The following DNAJC27 variants were observed in gnomAD, a reference collection of about 807,000 sequenced individuals.
DNAJC27 encodes DnaJ heat shock protein family (Hsp40) member C27.
DNAJC27 carries 25 observed loss-of-function variants against 31.4 expected under a neutral mutation model. The observed-to-expected ratio is 0.80, with a 90% CI of 0.58 to 1.11. The LOEUF (loss-of-function observed/expected upper bound fraction) is 1.11. Among genes scored for constraint, DNAJC27 ranks in the 50% most tolerant of loss-of-function variants. The probability of loss-of-function intolerance (pLI) is 0.00; values close to 1 mark genes in which losing one functional copy is unlikely to be tolerated. For synonymous variants in DNAJC27, 106 were observed against 112.7 expected, an observed-to-expected ratio of 0.94 and a Z score of 0.37; for missense variants, 356 against 347.3, an observed-to-expected ratio of 1.02 and a Z score of -0.20.
At chr2:24,948,463 G>A (rs909544530) in intron 6 of DNAJC27, among the ~76,000 whole-genome samples, 4 of 152,168 alleles carry the variant, frequency 2.6e-5, no homozygotes, top group Admixed American at 6.5e-5. Context: ...TCAAGGTCAC[G>A]AGGAATCTGA....
At chr2:24,964,573 G>A (rs190491760) in intron 2 of DNAJC27, among the ~76,000 whole-genome samples, 1 of 152,286 alleles carries the variant, frequency 6.6e-6, no homozygotes, top group East Asian at 1.9e-4. Context: ...AGCCATCTCT[G>A]AGGCCCAGCT....
intron 1 of DNAJC27, among the ~76,000 whole-genome samples, chr2:24,970,651 A>T (rs1427298327): frequency 6.6e-6 from 1 of 151,194 alleles, no homozygotes; most frequent in Non-Finnish European, 1.5e-5. Flanking sequence ...TTTAGTAGAG[A>T]CAGGATTTCA....
chr2:24,958,961 T>C, intron 3 of DNAJC27, among the ~76,000 whole-genome samples: 1 of 152,204 alleles, frequency 6.6e-6, no homozygotes, highest in East Asian at 1.9e-4. Context: ...TGAAAACATG[T>C]TATACACATC....
rs1342994081 is a variant in DNAJC27 at position 24,944,966 on chromosome 2, C to T, written c.*2650G>A. ...TGAAAAACAAGATTCTCTATAAAAA[C>T]GTTTTAGCCATTGTAATTATTCTGC... On this transcript the variant is annotated 3_prime_UTR_variant, in exon 7 of 7. Transcript: ENST00000264711. The T allele has an allele frequency of 6.6e-6, 1 of 152,422 alleles. No homozygotes were observed. Among genetic ancestry groups the T allele is most frequent in the Non-Finnish European group, 1.5e-5 (1 of 68,002 alleles). The allele number at this position is 152,422 out of a possible 1,614,324, so 9.4% of individuals were successfully genotyped here.
rs114771935 is a variant in DNAJC27 at position 24,951,047 on chromosome 2, C to T, written c.689+347G>A. Among the ~76,000 whole-genome samples, 1,340 of 152,246 alleles carry T rather than the reference C, an allele frequency of 8.8e-3. 22 individuals are homozygous for T. Among genetic ancestry groups the T allele is most frequent in the African/African-American group, 0.031 (1,271 of 41,534 alleles). On this transcript the variant is annotated intron_variant, in intron 6 of 6. Transcript: ENST00000264711. ...CCCACCTATAAAATGAAATGTTTGA[C>T]AAGTTGATTGCCAACGTGCTTTCCT... is the stretch of plus-strand genomic sequence containing the variant.
chr2:24,967,331 TAGTG>T, intron 1 of DNAJC27, 38 bp from the exon 2 acceptor site: 1 of 1,287,716 alleles, frequency 7.8e-7, no homozygotes, highest in Non-Finnish European at 1.1e-6. Context: ...AGTAAATACA[TAGTG>T]AGAACACATA....
intron 3 of DNAJC27, among the ~76,000 whole-genome samples, chr2:24,959,207 T>C (rs1665982406): frequency 6.6e-6 from 1 of 152,196 alleles, no homozygotes; most frequent in South Asian, 2.1e-4. Flanking sequence ...TTGGCTCCCA[T>C]ACATCACATT....
At chr2:24,958,844 T>C (rs1665973641) in intron 3 of DNAJC27, among the ~76,000 whole-genome samples, 1 of 152,168 alleles carries the variant, frequency 6.6e-6, no homozygotes, top group African/African-American at 2.4e-5. Context: ...ACATGGGGTT[T>C]CCGGGACAAA....
In DNAJC27 at chr2:24,944,778, C is replaced by A. The variant is rs1253327882; in HGVS notation, c.*2838G>T. On this transcript the variant is annotated 3_prime_UTR_variant, in exon 7 of 7. Coordinates refer to ENST00000264711, the MANE Select transcript of DNAJC27 (RefSeq NM_016544.3). ...GGAGGCATGAAGGGGAACAGAGGAA[C>A]AGAAGGAGGCTGTATTTTAAAGTGC... is the stretch of plus-strand genomic sequence containing the variant. 1 of 152,558 alleles carries A rather than the reference C, an allele frequency of 6.6e-6. No individual in the cohort carries two copies. The highest frequency in any genetic ancestry group is 1.5e-5 in the Non-Finnish European group (1 of 68,020). 9.5% of individuals were successfully genotyped at this position (152,558 alleles called of 1,614,324 possible). A position where few individuals can be genotyped will look rare whatever the true frequency, so the allele number is the denominator to read the frequency against.
intron 2 of DNAJC27, among the ~76,000 whole-genome samples, chr2:24,966,913 C>T (rs1177107186): frequency 6.6e-6 from 1 of 152,190 alleles, no homozygotes; most frequent in Non-Finnish European, 1.5e-5. Context: ...AATATAAAAA[C>T]ATGTTTCCTG....
chr2:24,967,944 A>G (rs1013123605), intron 1 of DNAJC27, among the ~76,000 whole-genome samples: 1 of 149,452 alleles, frequency 6.7e-6, no homozygotes, highest in Non-Finnish European at 1.5e-5. Context: ...AATATCTATT[A>G]GATTAATTCC....
At chr2:24,967,139 G>T (rs749620833) in intron 2 of DNAJC27, 72 bp downstream of exon 2, 4 of 1,178,188 alleles carry the variant, frequency 3.4e-6, no homozygotes, top group Non-Finnish European at 3.8e-6. Flanking sequence ...GAGCACTGAT[G>T]CAAATATGGA....
intron 2 of DNAJC27, 49 bp from the exon 3 acceptor site, chr2:24,963,523 AT>A: frequency 6.9e-7 from 1 of 1,445,988 alleles, no homozygotes; most frequent in Non-Finnish European, 9.7e-7. Flanking sequence ...TGGTTTCTCC[AT>A]TTACCTTAAT....
rs1666043124 is a variant in DNAJC27, at chr2:24,961,609, TA to T, written c.240+1795del. On this transcript the variant is annotated intron_variant, in intron 3 of 6. Coordinates refer to ENST00000264711, the MANE Select transcript of DNAJC27 (RefSeq NM_016544.3). ...AGGGGAGAGGTCAAAGTATCAACCT[TA>T]ACAAGAGTTTGGAAGTTGATTCCAA... Among the ~76,000 whole-genome samples, 3 of 152,066 alleles carry T rather than the reference TA, an allele frequency of 2.0e-5. No individual in the cohort carries two copies. The South Asian group carries it at 6.2e-4, about 32-fold the overall frequency.
chr2:24,967,220 C>G lies in DNAJC27; in HGVS notation c.161G>C (p.Gly54Ala). ...KYLATIGIDY[G>A]VTKVHVRDRE... is the part of the protein sequence containing the mutation. ...GAAACAATATACTTACTTTGTGACTCCATAGTCAATTCCAATTGTTGCCAG... is the reference window on the plus strand; with the variant it reads ...GAAACAATATACTTACTTTGTGACTGCATAGTCAATTCCAATTGTTGCCAG... The change falls in exon 2 of 7, where the codon GGA becomes GCA. Residue 54 changes from glycine to alanine, a missense_variant. By Grantham distance (60) the Gly-to-Ala change is moderately conservative. Transcript: ENST00000264711. The G allele has an allele frequency of 6.2e-7, 1 of 1,612,804 alleles. No homozygotes were observed. The highest frequency in any genetic ancestry group is 8.5e-7 in the Non-Finnish European group (1 of 1,178,878).
chr2:24,972,014 G>A (rs957520768), upstream of DNAJC27: 61 of 773,050 alleles, frequency 7.9e-5, no homozygotes, highest in Non-Finnish European at 1.1e-4. Flanking sequence ...TCACCGCCTC[G>A]CCTCCGCTGC....
chr2:24,966,960 T>C (rs1573118317), intron 2 of DNAJC27, among the ~76,000 whole-genome samples: 1 of 152,244 alleles, frequency 6.6e-6, no homozygotes, highest in South Asian at 2.1e-4. Flanking sequence ...TGTGTTGACA[T>C]GTTCATTGCT....
intron 4 of DNAJC27, 42 bp downstream of exon 4, chr2:24,957,768 C>G: frequency 6.4e-7 from 1 of 1,574,312 alleles, no homozygotes; most frequent in South Asian, 1.1e-5. Context: ...AAGCTCCACT[C>G]TTTCCCTAGA....
In DNAJC27 at chr2:24,948,626, C is replaced by T. The variant is rs149858775; in HGVS notation, c.690-878G>A. Among the ~76,000 whole-genome samples the T allele has an allele frequency of 5.3e-3, 805 of 152,274 alleles. 8 individuals are homozygous for T. The highest frequency in any genetic ancestry group is 0.017 in the African/African-American group (694 of 41,542). On this transcript the variant is annotated intron_variant, in intron 6 of 6. Transcript: ENST00000264711. ...CAGTAGCAGTGCTTCTCCAATCCGG[C>T]GGTTCCGATAAACCAGCAGCGCTCC...
Sources: allele counts gnomAD v4.1 joint callset (sites outside exome capture counted in the v4.1 genomes callset), GRCh38; gene constraint gnomAD v4.1.1; transcripts MANE v1.5; gene names NCBI Gene and HGNC (gene_info 2026-07-23, HGNC 2026-07-21).